The following PCDH11Y variants were observed in gnomAD, a reference collection of about 807,000 sequenced individuals.
PCDH11Y encodes the protein protocadherin-11 Y-linked.
For missense variants in PCDH11Y, 12 were observed against 224.8 expected (o/e 0.05, Z 6.05); for synonymous variants, 9 against 83.6 (o/e 0.11, Z 4.87).
At chrY:5,403,237 T>C (rs2053235637) in intron 2 of PCDH11Y, among the ~76,000 whole-genome samples, 1 of 32,925 alleles carries the variant, frequency 3.0e-5, no homozygotes, top group Non-Finnish European at 7.5e-5. Context: ...TTTCTATTTA[T>C]TTAAGAATTA....
chrY:5,347,363 G>C (rs2053153468), intron 2 of PCDH11Y, among the ~76,000 whole-genome samples: 1 of 32,677 alleles, frequency 3.1e-5, no homozygotes, highest in Non-Finnish European at 7.5e-5. Flanking sequence ...AGGCAGGAGA[G>C]TTGCTTGAAC....
chrY:5,655,213 T>G, intron 4 of PCDH11Y, among the ~76,000 whole-genome samples: 1 of 28,535 alleles, frequency 3.5e-5, no homozygotes, highest in Non-Finnish European at 8.4e-5. Flanking sequence ...TTACGGGGTT[T>G]GATACGCCGT....
intron 2 of PCDH11Y, among the ~76,000 whole-genome samples, chrY:5,478,480 G>A: frequency 3.0e-5 from 1 of 32,960 alleles, no homozygotes; most frequent in Non-Finnish European, 7.5e-5. Flanking sequence ...TAGGTGCTGA[G>A]AAGAATGTAT....
chrY:5,631,704 T>C (rs2053512433), intron 4 of PCDH11Y, among the ~76,000 whole-genome samples: 1 of 33,035 alleles, frequency 3.0e-5, no homozygotes, highest in African/African-American at 1.2e-4. Flanking sequence ...ATTATTTAGC[T>C]AGGAGGAAAT....
intron 4 of PCDH11Y, among the ~76,000 whole-genome samples, chrY:5,632,361 A>T: frequency 3.2e-5 from 1 of 31,498 alleles, no homozygotes; most frequent in African/African-American, 1.2e-4. Context: ...TTTAATATAC[A>T]TGTGTACACA....
intron 2 of PCDH11Y, among the ~76,000 whole-genome samples, chrY:5,121,009 C>G: frequency 3.4e-5 from 1 of 29,289 alleles, no homozygotes; most frequent in African/African-American, 1.3e-4. Flanking sequence ...CTGTCTGAGA[C>G]TCAATTTCTT....
chrY:5,459,841 T>C, intron 2 of PCDH11Y, among the ~76,000 whole-genome samples: 3 of 32,784 alleles, frequency 9.2e-5, no homozygotes, highest in African/African-American at 3.5e-4. Context: ...ATTATAGGAA[T>C]TCATGAAGTT....
intron 2 of PCDH11Y, among the ~76,000 whole-genome samples, chrY:5,149,496 A>G (rs2052861425): frequency 3.3e-5 from 1 of 30,228 alleles, no homozygotes; most frequent in African/African-American, 1.3e-4. Flanking sequence ...CACTTAGAAG[A>G]CTGAGCAAAT....
At chrY:5,715,116 G>C in intron 4 of PCDH11Y, among the ~76,000 whole-genome samples, 1 of 33,676 alleles carries the variant, frequency 3.0e-5, no homozygotes, top group Admixed American at 2.7e-4. Flanking sequence ...TGACTCAAAA[G>C]ATATTCAACT....
At chrY:5,355,053 G>A (rs2053164088) in intron 2 of PCDH11Y, among the ~76,000 whole-genome samples, 1 of 32,274 alleles carries the variant, frequency 3.1e-5, no homozygotes, top group African/African-American at 1.2e-4. Flanking sequence ...CTGAGGTCAG[G>A]AGTTCGAGAC....
intron 2 of PCDH11Y, among the ~76,000 whole-genome samples, chrY:5,164,140 C>T: frequency 3.0e-5 from 1 of 33,367 alleles, no homozygotes. Flanking sequence ...CAAATGATCT[C>T]CTGGCTCAGA....
chrY:5,491,095 G>C lies in PCDH11Y; in HGVS notation c.3130-9962G>C. ...GGTGCCATAGATGTCATGATTGATA[G>C]TGGGTGCCATGGATGACATGATTGA... On this transcript the variant is annotated intron_variant, in intron 2 of 4. Transcript: ENST00000400457. Among the ~76,000 whole-genome samples the C allele has an allele frequency of 8.9e-5, 3 of 33,705 alleles. No individual in the cohort carries two copies. In the South Asian group the frequency reaches 2.0e-3, roughly 23 times the overall value. 90.4% of individuals were successfully genotyped at this position (33,705 alleles called of 37,273 possible).
chrY:5,116,824 G>T (rs2524558), intron 2 of PCDH11Y, among the ~76,000 whole-genome samples: 4 of 31,971 alleles, frequency 1.3e-4, no homozygotes, highest in African/African-American at 2.5e-4. Context: ...TTCATGGTCC[G>T]TTTTTTTTGT....
chrY:5,309,110 TTAAC>T (rs2053094017), intron 2 of PCDH11Y, among the ~76,000 whole-genome samples: 1 of 32,953 alleles, frequency 3.0e-5, no homozygotes, highest in Non-Finnish European at 7.4e-5. Flanking sequence ...TAGTCTAATT[TTAAC>T]TAACACTTCC....
intron 4 of PCDH11Y, among the ~76,000 whole-genome samples, chrY:5,623,984 C>T (rs2053503743): frequency 3.0e-5 from 1 of 33,062 alleles, no homozygotes; most frequent in Non-Finnish European, 7.5e-5. Flanking sequence ...GCCTTTCAAG[C>T]ATCTGTTATT....
intron 2 of PCDH11Y, among the ~76,000 whole-genome samples, chrY:5,442,167 C>T: frequency 6.8e-5 from 2 of 29,397 alleles, no homozygotes; most frequent in Admixed American, 3.3e-4. Flanking sequence ...TGAATTTACC[C>T]TTCACCTGAA....
chrY:5,595,328 G>T (rs2053466471), intron 4 of PCDH11Y, among the ~76,000 whole-genome samples: 3 of 31,313 alleles, frequency 9.6e-5, no homozygotes, highest in African/African-American at 3.8e-4. Flanking sequence ...TTACTCATTT[G>T]TAAAATATAA....
chrY:5,373,437 G>C, intron 2 of PCDH11Y, among the ~76,000 whole-genome samples: 2 of 28,639 alleles, frequency 7.0e-5, no homozygotes, highest in Admixed American at 6.9e-4. Flanking sequence ...CCACTGCGTG[G>C]GTCTCCCAAA....
chrY:5,156,162 AGTGT>A (rs56938003), intron 2 of PCDH11Y, among the ~76,000 whole-genome samples: 30 of 23,223 alleles, frequency 1.3e-3, no homozygotes, highest in Non-Finnish European at 2.4e-3. Context: ...GCATTGTGTG[AGTGT>A]GTGTGTGTGT....
Sources: allele counts gnomAD v4.1 joint callset (sites outside exome capture counted in the v4.1 genomes callset), GRCh38; gene constraint gnomAD v4.1.1; transcripts MANE v1.5; gene names NCBI Gene and HGNC (gene_info 2026-07-23, HGNC 2026-07-21).